Variants in PIWIL4 observed in about 807,000 individuals in gnomAD.
PIWIL4 encodes piwi like RNA-mediated gene silencing 4.
PIWIL4 carries 50 observed loss-of-function variants against 100.9 expected under a neutral mutation model. The ratio of observed to expected loss-of-function variants is 0.50; its 90% confidence interval spans 0.39 to 0.63. The LOEUF (loss-of-function observed/expected upper bound fraction) is 0.63. Ranked by LOEUF, PIWIL4 falls within the 20% of genes least tolerant of loss-of-function variation. PIWIL4 has a pLI of 0.00. For synonymous variants in PIWIL4, 342 were observed against 367.5 expected, an observed-to-expected ratio of 0.93 and a Z score of 0.79; for missense variants, 887 against 1,043.3, an observed-to-expected ratio of 0.85 and a Z score of 2.06.
chr11:94,577,517 T>C, intron 4 of PIWIL4, 25 bp downstream of exon 4: 1 of 1,567,872 alleles, frequency 6.4e-7, no homozygotes, highest in African/African-American at 1.4e-5. Context: ...GTTTTTTTAC[T>C]GTATATGTGG....
rs1291740550 is a variant in PIWIL4 at position 94,600,088 on chromosome 11, A to C, written c.1381-1707A>C. 2.0e-5 allele frequency among the ~76,000 whole-genome samples: 3 copies of C among 152,290 alleles called. No homozygotes were observed. In the South Asian group the frequency reaches 6.2e-4, roughly 32 times the overall value. ...TGTGCCAAAGGCATCATTCAATTATAGTCTGAGGATATAAGCAGAGGTCTG... is the reference window on the plus strand; with the variant it reads ...TGTGCCAAAGGCATCATTCAATTATCGTCTGAGGATATAAGCAGAGGTCTG... On this transcript the variant is annotated intron_variant, in intron 11 of 19. Coordinates refer to ENST00000299001, the MANE Select transcript of PIWIL4 (RefSeq NM_152431.3).
intron 3 of PIWIL4, among the ~76,000 whole-genome samples, chr11:94,576,642 G>A (rs547857055): frequency 7.5e-4 from 114 of 152,196 alleles, no homozygotes; most frequent in African/African-American, 2.6e-3. Flanking sequence ...TGGAAGTCCC[G>A]GAAGCACACA....
rs1948646854 is a variant in PIWIL4, at chr11:94,601,879, A to G, written c.1465A>G (p.Ile489Val). The G allele has an allele frequency of 1.2e-6, 2 of 1,614,146 alleles. No individual in the cohort carries two copies. The highest frequency in any genetic ancestry group is 1.7e-6 in the Non-Finnish European group (2 of 1,180,006). Residue 489 changes from isoleucine to valine, a missense_variant, in exon 12 of 20, where the codon ATT (isoleucine) becomes GTT (valine). Physicochemically the swap from Ile to Val is conservative, Grantham distance 29. Coordinates refer to ENST00000299001, the MANE Select transcript of PIWIL4 (RefSeq NM_152431.3). ...LNAQSLNTWL[I>V]LCSDRTEYVA... ...TGCACAGTCTTTGAATACCTGGTTG[A>G]TTTTATGTAGCGACAGAACTGAATA...
Position 94,577,502 on chromosome 11 carries a change from G to A in PIWIL4, c.513+10G>A, listed in dbSNP as rs967331889. ...AAAGCTAGAAGAAAAGGTATAGTATGATTAGTTTTTTTACTGTATATGTGG... is the reference window on the plus strand; with the variant it reads ...AAAGCTAGAAGAAAAGGTATAGTATAATTAGTTTTTTTACTGTATATGTGG... On this transcript the variant is annotated intron_variant, in intron 4 of 19. Coordinates refer to ENST00000299001, the MANE Select transcript of PIWIL4 (RefSeq NM_152431.3). 9 of 1,601,374 alleles carry A rather than the reference G, an allele frequency of 5.6e-6. No homozygotes were observed. Among genetic ancestry groups the A allele is most frequent in the Non-Finnish European group, 7.7e-6 (9 of 1,172,104 alleles).
rs543547628 is a variant in PIWIL4, at chr11:94,571,393, G to A, written c.166+2585G>A. ...GTTGGTGTGCTGCACCCATTAACTCGTCATTTACATTAGGTATATCTCCTA... is the reference window on the plus strand; with the variant it reads ...GTTGGTGTGCTGCACCCATTAACTCATCATTTACATTAGGTATATCTCCTA... On this transcript the variant is annotated intron_variant, in intron 2 of 19. Coordinates refer to ENST00000299001, the MANE Select transcript of PIWIL4 (RefSeq NM_152431.3). Among the ~76,000 whole-genome samples the A allele has an allele frequency of 3.9e-4, 59 of 152,094 alleles. 1 individual carries two copies. The highest frequency in any genetic ancestry group is 3.4e-3 in the Middle Eastern group (1 of 292).
Position 94,583,021 on chromosome 11 carries a change from T to C in PIWIL4, c.514-427T>C, listed in dbSNP as rs372671950. Among the ~76,000 whole-genome samples, 182 of 142,646 alleles carry C rather than the reference T, an allele frequency of 1.3e-3. 4 individuals carry two copies. The South Asian group carries it at 0.042, about 33-fold the overall frequency. The allele number at this position is 142,646 out of a possible 152,430, so 93.6% of individuals were successfully genotyped here. A position where few individuals can be genotyped will look rare whatever the true frequency, so the allele number is the denominator to read the frequency against. ...AAAATGGGTACAATTATGTACACTG[T>C]TGTGGTGTGTGTATATATATATATG... On this transcript the variant is annotated intron_variant, in intron 4 of 19. Coordinates refer to ENST00000299001, the MANE Select transcript of PIWIL4 (RefSeq NM_152431.3).
At chr11:94,619,920 C>T in intron 18 of PIWIL4, 35 bp downstream of exon 18, 2 of 1,614,060 alleles carry the variant, frequency 1.2e-6, no homozygotes, top group Non-Finnish European at 1.7e-6. Flanking sequence ...TTTAACAAAA[C>T]ATTCATTGCG....
In PIWIL4 at chr11:94,607,538, C is replaced by T. The variant is rs781038818; in HGVS notation, c.1738C>T (p.Arg580Trp). The T allele has an allele frequency of 3.7e-5, 60 of 1,613,902 alleles. 1 individual carries two copies. The highest frequency in any genetic ancestry group is 2.8e-4 in the Admixed American group (17 of 60,002). The change falls in exon 14 of 20, where the codon CGG (arginine) becomes TGG (tryptophan). Residue 580 changes from arginine (R) to tryptophan (W), a missense_variant. Arg to Trp is a moderately radical substitution (Grantham distance 101, BLOSUM62 -3). Coordinates refer to ENST00000299001, the MANE Select transcript of PIWIL4 (RefSeq NM_152431.3). ...CPVPSQCVLA[R>W]TLNKQGMMMS... ...AGTCCCAAGCCAATGTGTGCTTGCTCGGACCTTGAATAAACAGGGCATGAT... is the reference window on the plus strand; with the variant it reads ...AGTCCCAAGCCAATGTGTGCTTGCTTGGACCTTGAATAAACAGGGCATGAT...
At chr11:94,587,319 G>A (rs1430115647) in intron 7 of PIWIL4, 72 bp downstream of exon 7, 7 of 1,444,180 alleles carry the variant, frequency 4.8e-6, no homozygotes, top group Non-Finnish European at 5.7e-6. Context: ...TAGGAATAGT[G>A]TTGGAGTATT....
chr11:94,620,770 G>A (rs2135310893), intron 19 of PIWIL4, 106 bp from the exon 20 acceptor site: 1 of 769,714 alleles, frequency 1.3e-6, no homozygotes, highest in East Asian at 2.7e-5. Context: ...TTACCCAGAA[G>A]CCCATTCTAT....
chr11:94,619,601 A>C (rs1948884523), intron 17 of PIWIL4, among the ~76,000 whole-genome samples, 159 bp from the exon 18 acceptor site: 1 of 152,248 alleles, frequency 6.6e-6, no homozygotes, highest in Admixed American at 6.5e-5. Context: ...AATTGTATGT[A>C]TCTCTAGGGA....
intron 13 of PIWIL4, among the ~76,000 whole-genome samples, chr11:94,606,499 C>G (rs567001852): frequency 6.6e-6 from 1 of 152,028 alleles, no homozygotes; most frequent in Non-Finnish European, 1.5e-5. Flanking sequence ...GAGAAGGAGG[C>G]GGAGGTAGGC....
Position 94,589,175 on chromosome 11 carries a change from A to G in PIWIL4, c.969A>G (p.Thr323=). The G allele has an allele frequency of 6.2e-7, 1 of 1,613,430 alleles. No homozygotes were observed. Among genetic ancestry groups the G allele is most frequent in the Non-Finnish European group, 8.5e-7 (1 of 1,179,450 alleles). ...IDDIDWSVKP[T]HTFQKRDGTE... Reference sequence around the variant, plus strand: ...ACATTGACTGGTCAGTGAAGCCCACACACACCTTTCAGAAGCGGGATGGCA... The same window carrying G: ...ACATTGACTGGTCAGTGAAGCCCACGCACACCTTTCAGAAGCGGGATGGCA... Residue 323 remains threonine, a synonymous_variant, in exon 8 of 20, where the codon ACA becomes ACG. Coordinates refer to ENST00000299001, the MANE Select transcript of PIWIL4 (RefSeq NM_152431.3).
intron 13 of PIWIL4, among the ~76,000 whole-genome samples, chr11:94,604,626 G>GA (rs1948691555): frequency 6.6e-6 from 1 of 152,166 alleles, no homozygotes; most frequent in Non-Finnish European, 1.5e-5. Context: ...CAACATTCCA[G>GA]AAAAATTAGA....
chr11:94,589,206 A>T lies in PIWIL4; in HGVS notation c.1000A>T (p.Ile334Phe). The change falls in exon 8 of 20, where the codon ATC (isoleucine) becomes TTC (phenylalanine). Residue 334 changes from isoleucine (I) to phenylalanine (F), a missense_variant. By Grantham distance (21) the Ile-to-Phe change is conservative. Transcript: ENST00000299001. ...CTTTCAGAAGCGGGATGGCACCGAG[A>T]TCACCTATGTGGATTACTACAAGCA... is the stretch of plus-strand genomic sequence containing the variant. ...HTFQKRDGTE[I>F]TYVDYYKQQY... 1 of 1,608,508 alleles carries T rather than the reference A, an allele frequency of 6.2e-7. No homozygotes were observed. The highest frequency in any genetic ancestry group is 8.5e-7 in the Non-Finnish European group (1 of 1,174,878).
At chr11:94,611,233 G>A (rs1436240838) in intron 15 of PIWIL4, among the ~76,000 whole-genome samples, 1 of 152,150 alleles carries the variant, frequency 6.6e-6, no homozygotes, top group Non-Finnish European at 1.5e-5. Flanking sequence ...ATTTGCATAT[G>A]TTGAACCATC....
At chr11:94,577,212 G>A in intron 3 of PIWIL4, 66 bp from the exon 4 acceptor site, 1 of 1,281,608 alleles carries the variant, frequency 7.8e-7, no homozygotes, top group East Asian at 2.3e-5. Context: ...TTTTTAAATG[G>A]TGTGATTAAT....
At chr11:94,614,612 T>A (rs1187201350) in intron 15 of PIWIL4, among the ~76,000 whole-genome samples, 1 of 152,166 alleles carries the variant, frequency 6.6e-6, no homozygotes, top group Non-Finnish European at 1.5e-5. Context: ...CCCGGTCAGT[T>A]CCTGATTTTT....
At chr11:94,610,135 G>A (rs537040379) in intron 15 of PIWIL4, among the ~76,000 whole-genome samples, 1 of 152,038 alleles carries the variant, frequency 6.6e-6, no homozygotes, top group Admixed American at 6.5e-5. Flanking sequence ...ATGTCTTTTT[G>A]TGTCTGGCTT....
Sources: gnomAD v4.1 joint callset for allele counts (sites outside exome capture counted in the v4.1 genomes callset) on GRCh38, gnomAD v4.1.1 for gene constraint, MANE v1.5 for transcripts, NCBI Gene and HGNC (gene_info 2026-07-23, HGNC 2026-07-21) for gene names.